IL1RAPL2: variants seen among roughly 807,000 people sequenced by gnomAD.
IL1RAPL2 encodes the protein X-linked interleukin-1 receptor accessory protein-like 2.
In IL1RAPL2, 3 loss-of-function variants were observed where a neutral mutation model predicts 44.1. That is an observed-to-expected ratio of 0.07 (90% CI 0.03 to 0.18). The LOEUF is 0.18. Ranked by LOEUF, IL1RAPL2 falls within the 10% of genes least tolerant of loss-of-function variation. IL1RAPL2 has a pLI of 1.00. For synonymous variants in IL1RAPL2, 181 were observed against 178.8 expected, an observed-to-expected ratio of 1.01 and a Z score of -0.10; for missense variants, 391 against 496.4, an observed-to-expected ratio of 0.79 and a Z score of 2.02.
chrX:104,971,943 G>A (rs942642123), intron 2 of IL1RAPL2, among the ~76,000 whole-genome samples: 1 of 111,509 alleles, frequency 9.0e-6, no homozygotes, highest in Non-Finnish European at 1.9e-5. Flanking sequence ...TGGCTCTCTG[G>A]GAAGTTGGGT....
rs984913553 is a variant in IL1RAPL2 at position 105,438,118 on chromosome X, T to C, written c.698-46195T>C. 2.7e-5 allele frequency among the ~76,000 whole-genome samples: 3 copies of C among 111,915 alleles called. No individual in the cohort carries two copies. The South Asian group carries it at 1.1e-3, about 42-fold the overall frequency. ...TAAAATTAATGTTATCAGCTCTTCA[T>C]TCATCCAGTCATTCTAGGCCCTGCT... On this transcript the variant is annotated intron_variant, in intron 5 of 10. Transcript: ENST00000372582.
At chrX:105,189,711 C>A (rs2147609518) in intron 2 of IL1RAPL2, among the ~76,000 whole-genome samples, 1 of 111,639 alleles carries the variant, frequency 9.0e-6, no homozygotes, top group Admixed American at 9.5e-5. Flanking sequence ...GTGTATAATT[C>A]ATAGATAAAT....
At chrX:105,678,904 T>A (rs1025051045) in intron 6 of IL1RAPL2, among the ~76,000 whole-genome samples, 1 of 111,445 alleles carries the variant, frequency 9.0e-6, no homozygotes, top group African/African-American at 3.2e-5. Context: ...GCAGAAACAT[T>A]AGTTTTAAAA....
intron 2 of IL1RAPL2, among the ~76,000 whole-genome samples, chrX:104,931,609 A>G (rs1924900276): frequency 8.9e-6 from 1 of 111,808 alleles, no homozygotes; most frequent in Non-Finnish European, 1.9e-5. Context: ...GAGAAGGCCA[A>G]TGAAAAGATA....
At chrX:105,751,858 A>C (rs1397051164) in intron 9 of IL1RAPL2, among the ~76,000 whole-genome samples, 1 of 112,079 alleles carries the variant, frequency 8.9e-6, no homozygotes, top group Non-Finnish European at 1.9e-5. Flanking sequence ...CAGATAATCT[A>C]TCAAGTTTTT....
intron 5 of IL1RAPL2, among the ~76,000 whole-genome samples, chrX:105,287,242 G>A (rs1199937256): frequency 8.9e-6 from 1 of 111,768 alleles, no homozygotes; most frequent in African/African-American, 3.2e-5. Flanking sequence ...GAGTAAGTGA[G>A]CATTAACTAG....
chrX:105,735,874 G>GA (rs1282013082), intron 7 of IL1RAPL2, among the ~76,000 whole-genome samples: 1 of 111,275 alleles, frequency 9.0e-6, no homozygotes, highest in Non-Finnish European at 1.9e-5. Context: ...CACGGAATTA[G>GA]AAAAAACTAT....
At position 105,646,974 on chromosome X, in the gene IL1RAPL2, G is replaced by T. The variant is rs184593598; in HGVS notation, c.773-70393G>T. Among the ~76,000 whole-genome samples the T allele has an allele frequency of 8.0e-5, 9 of 112,552 alleles. No homozygotes were observed. In the East Asian group the frequency reaches 2.0e-3, roughly 25 times the overall value. On this transcript the variant is annotated intron_variant, in intron 6 of 10. Coordinates refer to ENST00000372582, the MANE Select transcript of IL1RAPL2 (RefSeq NM_017416.2). ...CGGCAAGCCTTTTGTTCTCTGACTT[G>T]GGGTTCTTGGCCTCAGGGATTCCAA...
chrX:104,837,755 G>A (rs1921780321), intron 2 of IL1RAPL2, among the ~76,000 whole-genome samples: 1 of 111,388 alleles, frequency 9.0e-6, no homozygotes, highest in Admixed American at 9.6e-5. Flanking sequence ...GTCAATTTTG[G>A]CTTTTGTTGC....
intron 8 of IL1RAPL2, among the ~76,000 whole-genome samples, chrX:105,746,400 T>A (rs886636962): frequency 8.9e-6 from 1 of 111,952 alleles, no homozygotes; most frequent in Non-Finnish European, 1.9e-5. Context: ...GAAGTATAGA[T>A]CCTGCTGAGA....
intron 5 of IL1RAPL2, among the ~76,000 whole-genome samples, chrX:105,272,642 T>G (rs1032638924): frequency 8.9e-6 from 1 of 112,594 alleles, no homozygotes; most frequent in African/African-American, 3.2e-5. Context: ...AAAGATTTGC[T>G]GCTAGATTAC....
intron 2 of IL1RAPL2, among the ~76,000 whole-genome samples, chrX:104,995,296 A>G (rs991117629): frequency 1.2e-4 from 13 of 111,583 alleles, no homozygotes; most frequent in African/African-American, 4.2e-4. Flanking sequence ...TTTTCTCACT[A>G]TTGTATCTTC....
At chrX:105,199,607 A>G (rs912127945) in intron 3 of IL1RAPL2, among the ~76,000 whole-genome samples, 1 of 111,667 alleles carries the variant, frequency 9.0e-6, no homozygotes, top group Non-Finnish European at 1.9e-5. Flanking sequence ...GTCCTTTCCT[A>G]TAGGTGGCTC....
intron 5 of IL1RAPL2, among the ~76,000 whole-genome samples, chrX:105,457,933 C>A (rs1346392717): frequency 1.8e-5 from 2 of 110,896 alleles, no homozygotes; most frequent in African/African-American, 6.5e-5. Context: ...ACATTCCCAC[C>A]AACAATGCAC....
At chrX:105,336,550 T>C (rs1209990044) in intron 5 of IL1RAPL2, among the ~76,000 whole-genome samples, 1 of 112,246 alleles carries the variant, frequency 8.9e-6, no homozygotes, top group African/African-American at 3.2e-5. Flanking sequence ...TGCTTTCTCT[T>C]ATTTACCTCT....
At chrX:105,375,799 T>G (rs1483773324) in intron 5 of IL1RAPL2, among the ~76,000 whole-genome samples, 1 of 112,150 alleles carries the variant, frequency 8.9e-6, no homozygotes, top group African/African-American at 3.2e-5. Flanking sequence ...ACCCAGAACT[T>G]GATTACATAA....
At chrX:104,890,553 G>A (rs1195219919) in intron 2 of IL1RAPL2, among the ~76,000 whole-genome samples, 4 of 112,391 alleles carry the variant, frequency 3.6e-5, no homozygotes, top group Non-Finnish European at 7.5e-5. Flanking sequence ...GGCCAGTGAT[G>A]ATGAGCATGT....
At position 105,390,633 on chromosome X, in the gene IL1RAPL2, T is replaced by C. The variant is rs772224025; in HGVS notation, c.698-93680T>C. ...AGCATAGAGATATTGCTTTATAACA[T>C]AACATTCCCCCCACTGTCTTAAGGA... On this transcript the variant is annotated intron_variant, in intron 5 of 10. Transcript: ENST00000372582. 9.0e-5 allele frequency among the ~76,000 whole-genome samples: 10 copies of C among 110,879 alleles called. No homozygotes were observed. The South Asian group carries it at 3.1e-3, about 34-fold the overall frequency.
intron 2 of IL1RAPL2, among the ~76,000 whole-genome samples, chrX:104,792,957 CT>C (rs758994857): frequency 7.1e-5 from 8 of 112,049 alleles, no homozygotes; most frequent in Non-Finnish European, 1.5e-4. Context: ...TATTATTTCT[CT>C]TGGTCAAAAT....
Sources: gnomAD v4.1 joint callset for allele counts (sites outside exome capture counted in the v4.1 genomes callset) on GRCh38, gnomAD v4.1.1 for gene constraint, MANE v1.5 for transcripts, NCBI Gene and HGNC (gene_info 2026-07-23, HGNC 2026-07-21) for gene names.